Variants in UBE2Q2 observed in about 807,000 individuals in gnomAD.
The protein encoded by UBE2Q2 is ubiquitin-conjugating enzyme E2 Q2.
UBE2Q2 carries 54 observed loss-of-function variants against 59.9 expected under a neutral mutation model. That is an observed-to-expected ratio of 0.90 (90% CI 0.72 to 1.13). The LOEUF is 1.13. Ranked by LOEUF, UBE2Q2 falls within the 50% of genes most tolerant of loss-of-function variation. The pLI is 0.00. For synonymous variants in UBE2Q2, 165 were observed against 155.2 expected, an observed-to-expected ratio of 1.06 and a Z score of -0.47; for missense variants, 433 against 441.9, an observed-to-expected ratio of 0.98 and a Z score of 0.18.
At chr15:75,895,174 A>G (rs943298284) in intron 11 of UBE2Q2, 2 of 151,684 alleles carry the variant, frequency 1.3e-5, no homozygotes, top group Non-Finnish European at 2.9e-5. Context: ...TGACAGAGCG[A>G]GACTCCGTCT....
intron 8 of UBE2Q2, among the ~76,000 whole-genome samples, chr15:75,881,370 A>G (rs1020902812): frequency 6.6e-6 from 1 of 151,898 alleles, no homozygotes; most frequent in Admixed American, 6.6e-5. Flanking sequence ...TAGTGTTTTC[A>G]TTATTTTTTC....
In UBE2Q2 at chr15:75,862,814, CAAAAAAAA is replaced by C. The variant is rs71140182; in HGVS notation, c.387+2850_387+2857del. Among the ~76,000 whole-genome samples the C allele has an allele frequency of 1.9e-4, 10 of 53,920 alleles. No homozygotes were observed. In the East Asian group the frequency reaches 4.0e-3, roughly 21 times the overall value. The allele number at this position is 53,920 out of a possible 152,430, so 35.4% of individuals were successfully genotyped here. On this transcript the variant is annotated intron_variant, in intron 3 of 12. Transcript: ENST00000267938. ...TGGGTGACAGAATGGAACCCTATCT[CAAAAAAAA>C]AAAAAAAAAAAAAAAAAGGACTGAA... is the stretch of plus-strand genomic sequence containing the variant.
rs1899647625 is a variant in UBE2Q2 at position 75,899,622 on chromosome 15, C to A, written c.*164C>A. The A allele has an allele frequency of 3.7e-6, 2 of 537,558 alleles. No individual in the cohort carries two copies. The highest frequency in any genetic ancestry group is 2.6e-5 in the South Asian group (1 of 37,994). 33.3% of individuals were successfully genotyped at this position (537,558 alleles called of 1,614,324 possible). A position where few individuals can be genotyped will look rare whatever the true frequency, so the allele number is the denominator to read the frequency against. ...TCTGACATCCAGTATAAGTTACAGCCTTTGCATTTTGCTCATTTTAGATAT... is the reference window on the plus strand; with the variant it reads ...TCTGACATCCAGTATAAGTTACAGCATTTGCATTTTGCTCATTTTAGATAT... On this transcript the variant is annotated 3_prime_UTR_variant, in exon 13 of 13. Coordinates refer to ENST00000267938, the MANE Select transcript of UBE2Q2 (RefSeq NM_173469.4).
chr15:75,844,481 G>C, intron 1 of UBE2Q2: 1 of 1,551,448 alleles, frequency 6.4e-7, no homozygotes, highest in Non-Finnish European at 8.7e-7. Context: ...CCGTCGTTGC[G>C]GCAGGTGGTG....
At chr15:75,862,011 C>G (rs1386432889) in intron 3 of UBE2Q2, among the ~76,000 whole-genome samples, 2 of 152,202 alleles carry the variant, frequency 1.3e-5, no homozygotes. Context: ...CGGGCCTCTT[C>G]ATGTGGCTTC....
chr15:75,895,772 C>A (rs1287567402), intron 11 of UBE2Q2, among the ~76,000 whole-genome samples: 4 of 152,042 alleles, frequency 2.6e-5, no homozygotes, highest in Non-Finnish European at 5.9e-5. Flanking sequence ...GGCACTCTTA[C>A]AGATGGCTGG....
At position 75,859,877 on chromosome 15, in the gene UBE2Q2, G is replaced by C; in HGVS notation, c.283-1G>C. On this transcript the variant is annotated splice_acceptor_variant, in intron 2 of 12. Transcript: ENST00000267938. LOFTEE classifies it high-confidence loss of function. ...CTTATTTACTGAAATGTGTTTTGTA[G>C]CTTCGTCAGCAATTGAAGTGGTTGA... is the stretch of plus-strand genomic sequence containing the variant. 6.3e-7 allele frequency: 1 copy of C among 1,584,548 alleles called. No individual in the cohort carries two copies. Among genetic ancestry groups the C allele is most frequent in the East Asian group, 2.3e-5 (1 of 44,044 alleles).
At chr15:75,872,320 T>TG (rs1211791597) in intron 4 of UBE2Q2, among the ~76,000 whole-genome samples, 22 of 140,316 alleles carry the variant, frequency 1.6e-4, no homozygotes, top group African/African-American at 4.0e-4. Flanking sequence ...TTAGCCTGCT[T>TG]GGGGAAAAAA....
chr15:75,874,327 G>C (rs909595085), intron 5 of UBE2Q2, among the ~76,000 whole-genome samples: 15 of 148,410 alleles, frequency 1.0e-4, no homozygotes, highest in African/African-American at 3.7e-4. Flanking sequence ...TCTGTCTCCC[G>C]GGCTGGAGTG....
intron 1 of UBE2Q2, 60 bp downstream of exon 1, chr15:75,843,906 G>A (rs1896163107): frequency 6.7e-7 from 1 of 1,482,042 alleles, no homozygotes; most frequent in South Asian, 1.3e-5. Context: ...GGCGCTTCGA[G>A]TCCCGGGACA....
intron 12 of UBE2Q2, among the ~76,000 whole-genome samples, chr15:75,897,968 C>T (rs1051283532): frequency 2.6e-5 from 4 of 151,880 alleles, no homozygotes; most frequent in African/African-American, 9.7e-5. Context: ...GTATTCAAAA[C>T]AAAATTTTCA....
chr15:75,882,065 T>A (rs1293474630), intron 8 of UBE2Q2, among the ~76,000 whole-genome samples: 2 of 152,210 alleles, frequency 1.3e-5, no homozygotes, highest in South Asian at 4.1e-4. Flanking sequence ...TAGTTTTTAT[T>A]TGCTTTTGGT....
At chr15:75,877,016 C>T (rs1291974561) in intron 6 of UBE2Q2, among the ~76,000 whole-genome samples, 2 of 151,972 alleles carry the variant, frequency 1.3e-5, no homozygotes, top group African/African-American at 2.4e-5. Flanking sequence ...AAAAATTAGC[C>T]GGGTGTGGTG....
Position 75,843,763 on chromosome 15 carries a change from G to C in UBE2Q2, c.97G>C (p.Glu33Gln), listed in dbSNP as rs751906868. Residue 33 changes from glutamate (E) to glutamine (Q), a missense_variant, in exon 1 of 13, where the codon GAG becomes CAG. Coordinates refer to ENST00000267938, the MANE Select transcript of UBE2Q2 (RefSeq NM_173469.4). ...RFRIVSWKLD[E>Q]LHCQFLVPQQ... The stretch of plus-strand genomic sequence containing the variant: ...CCGCATCGTCAGTTGGAAGCTGGAC[G>C]AGCTGCACTGCCAGTTCCTGGTGCC... 45 of 1,610,466 alleles carry C rather than the reference G, an allele frequency of 2.8e-5. No homozygotes were observed. In the East Asian group the frequency reaches 1.0e-3, roughly 36 times the overall value.
intron 12 of UBE2Q2, among the ~76,000 whole-genome samples, chr15:75,898,778 T>A (rs1424101863): frequency 6.6e-6 from 1 of 152,216 alleles, no homozygotes; most frequent in East Asian, 1.9e-4. Flanking sequence ...TGAGGCTTAC[T>A]TTCAAGTATA....
At chr15:75,857,817 A>G (rs1274285489) in intron 2 of UBE2Q2, among the ~76,000 whole-genome samples, 1 of 151,712 alleles carries the variant, frequency 6.6e-6, no homozygotes, top group Non-Finnish European at 1.5e-5. Context: ...TCTAAGATAT[A>G]TTAAATGAAA....
intron 3 of UBE2Q2, among the ~76,000 whole-genome samples, chr15:75,864,816 CTTAA>C (rs1357863318): frequency 2.6e-5 from 4 of 151,878 alleles, no homozygotes; most frequent in African/African-American, 9.7e-5. Flanking sequence ...TTGCTTATGT[CTTAA>C]TTATTTCCCC....
chr15:75,893,824 TA>T (rs1334197943), intron 11 of UBE2Q2, among the ~76,000 whole-genome samples: 1 of 152,218 alleles, frequency 6.6e-6, no homozygotes, highest in Non-Finnish European at 1.5e-5. Flanking sequence ...ATCATAGTTT[TA>T]AAAAGTAAAA....
intron 1 of UBE2Q2, among the ~76,000 whole-genome samples, chr15:75,850,308 T>C (rs1394164123): frequency 1.3e-5 from 2 of 152,250 alleles, no homozygotes; most frequent in Non-Finnish European, 2.9e-5. Context: ...TGCTCATCTC[T>C]TTTCTCCGAT....
Sources: allele counts gnomAD v4.1 joint callset (sites outside exome capture counted in the v4.1 genomes callset), GRCh38; gene constraint gnomAD v4.1.1; transcripts MANE v1.5; gene names NCBI Gene and HGNC (gene_info 2026-07-23, HGNC 2026-07-21).